ARHGAP21: variants seen among roughly 807,000 people sequenced by gnomAD.
ARHGAP21 encodes the protein rho GTPase-activating protein 21.
Under a neutral mutation model 164.6 loss-of-function variants are expected in ARHGAP21, and 38 were observed. The observed-to-expected ratio is 0.23, with a 90% CI of 0.18 to 0.30. ARHGAP21 has a LOEUF of 0.30. ARHGAP21 is among the 10% of genes least tolerant of loss of function. ARHGAP21 has a pLI of 1.00. For synonymous variants in ARHGAP21, 766 were observed against 857.9 expected (o/e 0.89, Z 1.87); for missense variants, 1,822 against 2,370.7 (o/e 0.77, Z 4.81).
chr10:24,706,892 G>A (rs907686602), intron 2 of ARHGAP21, among the ~76,000 whole-genome samples: 1 of 152,100 alleles, frequency 6.6e-6, no homozygotes, highest in African/African-American at 2.4e-5. Context: ...GGCATCTTTA[G>A]TCATTCAATG....
intron 2 of ARHGAP21, among the ~76,000 whole-genome samples, chr10:24,705,846 T>C (rs1445818592): frequency 1.3e-5 from 2 of 152,184 alleles, no homozygotes; most frequent in African/African-American, 4.8e-5. Flanking sequence ...AAAGAAGCCA[T>C]TATGCTGAAT....
chr10:24,710,322 TA>T (rs2132228873), intron 2 of ARHGAP21, among the ~76,000 whole-genome samples: 1 of 152,362 alleles, frequency 6.6e-6, no homozygotes, highest in South Asian at 2.1e-4. Flanking sequence ...ATTCAGAATC[TA>T]AAGTTGTTCC....
intron 14 of ARHGAP21, among the ~76,000 whole-genome samples, chr10:24,599,658 CTG>C (rs1236564581): frequency 6.6e-6 from 1 of 152,132 alleles, no homozygotes; most frequent in South Asian, 2.1e-4. Context: ...GAAGAAAAAA[CTG>C]TGTTAATGAT....
rs143938611 is a variant in ARHGAP21 at position 24,716,208 on chromosome 10, G to A, written c.63+5629C>T. On this transcript the variant is annotated intron_variant, in intron 2 of 25. Coordinates refer to ENST00000396432, the MANE Select transcript of ARHGAP21 (RefSeq NM_020824.4). ...CTGCACTCTCAACACCTGCGTTCTA[G>A]ATATATTACCTGTCTCAAATAAACA... 5.0e-3 allele frequency among the ~76,000 whole-genome samples: 768 copies of A among 152,312 alleles called. 6 individuals carry two copies. Among genetic ancestry groups the A allele is most frequent in the African/African-American group, 0.018 (741 of 41,564 alleles).
intron 2 of ARHGAP21, among the ~76,000 whole-genome samples, chr10:24,695,102 A>C (rs1843063485): frequency 6.9e-6 from 1 of 144,242 alleles, no homozygotes; most frequent in African/African-American, 2.6e-5. Context: ...AAAAACGAAA[A>C]GAAAGAAAAG....
At chr10:24,677,063 T>C (rs1315413515) in intron 2 of ARHGAP21, among the ~76,000 whole-genome samples, 1 of 151,852 alleles carries the variant, frequency 6.6e-6, no homozygotes, top group African/African-American at 2.4e-5. Flanking sequence ...CTACTAAAAA[T>C]ACAAAAATTA....
chr10:24,627,044 C>T (rs890025536), intron 7 of ARHGAP21, among the ~76,000 whole-genome samples: 3 of 152,228 alleles, frequency 2.0e-5, no homozygotes, highest in African/African-American at 2.4e-5. Context: ...TGTCCTTACA[C>T]GAGTCAAATT....
intron 5 of ARHGAP21, 46 bp from the exon 6 acceptor site, chr10:24,633,526 C>T (rs763267437): frequency 1.3e-5 from 15 of 1,171,778 alleles, no homozygotes; most frequent in African/African-American, 3.0e-5. Flanking sequence ...TGCAGAAAGT[C>T]ACTTTTGAAC....
At chr10:24,638,761 G>T (rs1836661321) in intron 4 of ARHGAP21, among the ~76,000 whole-genome samples, 2 of 152,152 alleles carry the variant, frequency 1.3e-5, no homozygotes, top group Admixed American at 1.3e-4. Flanking sequence ...GCACATACAT[G>T]CAGTTAAATC....
chr10:24,698,942 T>C (rs1041197255), intron 2 of ARHGAP21, among the ~76,000 whole-genome samples: 12 of 152,218 alleles, frequency 7.9e-5, no homozygotes, highest in Middle Eastern at 3.2e-3. Context: ...TACATATATA[T>C]CAGCAATGCT....
In ARHGAP21 at chr10:24,597,340, T is replaced by C. The variant is rs1483898294; in HGVS notation, c.3334+107A>G. Reference sequence around the variant, plus strand: ...AAGCCTACTATGAATTTTGAGCTAGTTGACATGGGGCCTGGTCAGTAGAAA... The same window carrying C: ...AAGCCTACTATGAATTTTGAGCTAGCTGACATGGGGCCTGGTCAGTAGAAA... On this transcript the variant is annotated intron_variant, in intron 16 of 25. Coordinates refer to ENST00000396432, the MANE Select transcript of ARHGAP21 (RefSeq NM_020824.4). 50 of 1,397,268 alleles carry C rather than the reference T, an allele frequency of 3.6e-5. No homozygotes were observed. The South Asian group carries it at 6.0e-4, about 17-fold the overall frequency. 86.6% of individuals were successfully genotyped at this position (1,397,268 alleles called of 1,614,324 possible).
rs1168433049 is a variant in ARHGAP21, at chr10:24,591,279, C to T, written c.4096G>A (p.Asp1366Asn). ...CTTCCAATGTTGGTGAGTAAATGAT[C>T]TATGTTTGGCACTGGCTGGGAGTCT... is the stretch of plus-strand genomic sequence containing the variant. ...TVDSQPVPNI[D>N]HLLTNIGRTG... Residue 1366 changes from aspartate to asparagine, a missense_variant, in exon 24 of 26, where the codon GAT becomes AAT. Physicochemically the swap from Asp to Asn is conservative, Grantham distance 23. Coordinates refer to ENST00000396432, the MANE Select transcript of ARHGAP21 (RefSeq NM_020824.4). 2 of 1,612,964 alleles carry T rather than the reference C, an allele frequency of 1.2e-6. No homozygotes were observed. Among genetic ancestry groups the T allele is most frequent in the Non-Finnish European group, 1.7e-6 (2 of 1,179,986 alleles).
chr10:24,599,205 T>C (rs1232899397), intron 14 of ARHGAP21, among the ~76,000 whole-genome samples: 1 of 152,208 alleles, frequency 6.6e-6, no homozygotes, highest in Non-Finnish European at 1.5e-5. Context: ...GAACAAGTCA[T>C]CTGAAGGAGT....
At chr10:24,638,498 T>G (rs1836621630) in intron 4 of ARHGAP21, among the ~76,000 whole-genome samples, 1 of 152,212 alleles carries the variant, frequency 6.6e-6, no homozygotes, top group African/African-American at 2.4e-5. Context: ...TTTCTAGATA[T>G]GCAGAACTAA....
At chr10:24,590,965 A>G (rs2076303078) in intron 24 of ARHGAP21, 5 of 924,544 alleles carry the variant, frequency 5.4e-6, no homozygotes, top group South Asian at 1.0e-4. Context: ...AAAAAAGAAC[A>G]AAACAGTGGT....
rs2076295405 is a variant in ARHGAP21 at position 24,590,847 on chromosome 10, C to G, written c.4150+378G>C. On this transcript the variant is annotated intron_variant, in intron 24 of 25. Coordinates refer to ENST00000396432, the MANE Select transcript of ARHGAP21 (RefSeq NM_020824.4). Reference sequence around the variant, plus strand: ...TCAAGAATAAGAACTACTTATACAGCCCAGATCATACTTTCTGCCATCACA... The same window carrying G: ...TCAAGAATAAGAACTACTTATACAGGCCAGATCATACTTTCTGCCATCACA... 9 of 979,196 alleles carry G rather than the reference C, an allele frequency of 9.2e-6. No homozygotes were observed. The South Asian group carries it at 3.8e-4, about 42-fold the overall frequency. 60.7% of individuals were successfully genotyped at this position (979,196 alleles called of 1,614,324 possible).
chr10:24,601,064 C>A (rs2076794392), intron 13 of ARHGAP21, 134 bp from the exon 14 acceptor site: 2 of 1,016,724 alleles, frequency 2.0e-6, no homozygotes, highest in East Asian at 5.1e-5. Flanking sequence ...TAGCTCACTA[C>A]ATTATTTGTG....
At chr10:24,706,992 T>C (rs1037042245) in intron 2 of ARHGAP21, among the ~76,000 whole-genome samples, 1 of 152,194 alleles carries the variant, frequency 6.6e-6, no homozygotes, top group African/African-American at 2.4e-5. Context: ...GGCTGTGCCA[T>C]CATCAATGAC....
rs778276267 is a variant in ARHGAP21 at position 24,595,869 on chromosome 10, T to C, written c.3633+19A>G. On this transcript the variant is annotated intron_variant, in intron 18 of 25. Transcript: ENST00000396432. ...AAGGGGGAAAAAAAAGGATCAGTTATTCAAATAAGCAAACTTACATCATCT... is the reference window on the plus strand; with the variant it reads ...AAGGGGGAAAAAAAAGGATCAGTTACTCAAATAAGCAAACTTACATCATCT... The C allele has an allele frequency of 5.6e-6, 9 of 1,611,436 alleles. No homozygotes were observed. The highest frequency in any genetic ancestry group is 6.8e-6 in the Non-Finnish European group (8 of 1,179,018).
Sources: allele counts gnomAD v4.1 joint callset (sites outside exome capture counted in the v4.1 genomes callset), GRCh38; gene constraint gnomAD v4.1.1; transcripts MANE v1.5; gene names NCBI Gene and HGNC (gene_info 2026-07-23, HGNC 2026-07-21).